KCNAB2: variants seen among roughly 807,000 people sequenced by gnomAD.
KCNAB2 encodes voltage-gated potassium channel subunit beta-2.
A neutral mutation model predicts 63.6 loss-of-function variants in KCNAB2; 29 were observed. That is an observed-to-expected ratio of 0.46 (90% CI 0.34 to 0.62). The LOEUF is 0.62. Among genes scored for constraint, KCNAB2 ranks in the 20% least tolerant of loss-of-function variants. KCNAB2 has a pLI of 0.01. For missense variants in KCNAB2, 359 were observed against 563.9 expected (o/e 0.64, Z 3.68); for synonymous variants, 222 against 224.2 (o/e 0.99, Z 0.09).
chr1:6,012,298 C>T (rs1254274067), intron 1 of KCNAB2, among the ~76,000 whole-genome samples: 6 of 69,064 alleles, frequency 8.7e-5, no homozygotes, highest in African/African-American at 5.9e-5. Flanking sequence ...GTGATGAAGG[C>T]AGAGGTGGTG....
chr1:6,012,140 G>T (rs1363482137), intron 1 of KCNAB2, among the ~76,000 whole-genome samples: 4 of 148,094 alleles, frequency 2.7e-5, no homozygotes, highest in African/African-American at 9.8e-5. Flanking sequence ...GGTGACGGGT[G>T]GAAGTGGAGG....
rs1292354881 is a variant in KCNAB2 at position 6,003,429 on chromosome 1, C to T, written c.-53+10641C>T. Among the ~76,000 whole-genome samples the T allele has an allele frequency of 6.6e-6, 1 of 152,228 alleles. No individual in the cohort carries two copies. Among genetic ancestry groups the T allele is most frequent in the Admixed American group, 6.5e-5 (1 of 15,288 alleles). ...CGGCTGCCTTCAGCCCCTGCAGACA[C>T]GCAGGCACCGTCCACCTTCTCCACT... On this transcript the variant is annotated intron_variant, in intron 1 of 16. Coordinates refer to the KCNAB2 transcript ENST00000341524. The surrounding 1 kb of genome is among the most constrained non-coding windows in gnomAD (Gnocchi z 4.1).
At chr1:6,048,088 C>T (rs1661078700) in intron 1 of KCNAB2, among the ~76,000 whole-genome samples, 1 of 152,240 alleles carries the variant, frequency 6.6e-6, no homozygotes, top group Non-Finnish European at 1.5e-5. Context: ...CCCTCTCCCA[C>T]TCACATCCCC....
At chr1:6,082,103 A>C in intron 4 of KCNAB2, 92 bp from the exon 5 acceptor site, 2 of 1,066,198 alleles carry the variant, frequency 1.9e-6, no homozygotes, top group Non-Finnish European at 2.9e-6. Flanking sequence ...GGGCCTGGAC[A>C]CGGGGAGGCC....
chr1:5,999,316 G>A (rs931191671), intron 1 of KCNAB2, among the ~76,000 whole-genome samples: 7 of 152,266 alleles, frequency 4.6e-5, no homozygotes, highest in Middle Eastern at 3.4e-3. Flanking sequence ...AGGGGTCCTG[G>A]TGCAGCTTAG....
At position 6,035,387 on chromosome 1, in the gene KCNAB2, C is replaced by G. The variant is rs758135652; in HGVS notation, c.-53+593C>G. The stretch of plus-strand genomic sequence containing the variant: ...TATGTTCTGGGAGGATCACCCTGGC[C>G]GCGTAGAGTCTGCCGGCGGGGGTGG... On this transcript the variant is annotated intron_variant, in intron 1 of 15. Transcript: ENST00000164247. This position sits in a 1 kb window ranked among gnomAD's most constrained non-coding sequence, Gnocchi z 5.0. Among the ~76,000 whole-genome samples, 1 of 152,088 alleles carries G rather than the reference C, an allele frequency of 6.6e-6. No homozygotes were observed. The highest frequency in any genetic ancestry group is 1.5e-5 in the Non-Finnish European group (1 of 68,022).
At chr1:6,062,124 C>A (rs1186150397) in intron 2 of KCNAB2, among the ~76,000 whole-genome samples, 8 of 152,070 alleles carry the variant, frequency 5.3e-5, no homozygotes, top group Admixed American at 3.9e-4. Context: ...ACCAGCCTGA[C>A]CAACATGGAG....
intron 4 of KCNAB2, among the ~76,000 whole-genome samples, chr1:6,075,494 G>A (rs764391977): frequency 2.0e-5 from 3 of 152,250 alleles, no homozygotes; most frequent in Non-Finnish European, 4.4e-5. Flanking sequence ...GGCAGTGTCA[G>A]GGTTCTGAAT....
chr1:6,028,238 G>T lies in KCNAB2; in HGVS notation c.-52-12279G>T, dbSNP rs140139887. ...TCCTGGCTTCTGGGTGAGAGGGGAAGTGTGTGTTGTGTAAGTGCCCTTCTG... is the reference window on the plus strand; with the variant it reads ...TCCTGGCTTCTGGGTGAGAGGGGAATTGTGTGTTGTGTAAGTGCCCTTCTG... On this transcript the variant is annotated intron_variant, in intron 1 of 16. Transcript: ENST00000341524. The surrounding 1 kb of genome is among the most constrained non-coding windows in gnomAD (Gnocchi z 4.0). Among the ~76,000 whole-genome samples, 1 of 152,220 alleles carries T rather than the reference G, an allele frequency of 6.6e-6. No individual in the cohort carries two copies. Among genetic ancestry groups the T allele is most frequent in the Non-Finnish European group, 1.5e-5 (1 of 68,048 alleles).
At chr1:6,094,262 G>A (rs1294297058) in intron 10 of KCNAB2, 138 bp from the exon 11 acceptor site, 3 of 627,850 alleles carry the variant, frequency 4.8e-6, no homozygotes, top group Non-Finnish European at 8.4e-6. Context: ...TTCAGAGCCA[G>A]GAAGTACACT....
Position 6,073,102 on chromosome 1 carries a change from C to T in KCNAB2, c.262+304C>T, listed in dbSNP as rs985987354. ...CCACAAAATCAGAGGCCCTTAGGGC[C>T]CCGGGAGTGCAACGAAGACACCTTA... On this transcript the variant is annotated intron_variant, in intron 3 of 15. Coordinates refer to ENST00000378083, the MANE Select transcript of KCNAB2 (RefSeq NM_001199862.2). This position sits in a 1 kb window ranked among gnomAD's most constrained non-coding sequence, Gnocchi z 5.7. Among the ~76,000 whole-genome samples, 43 of 152,128 alleles carry T rather than the reference C, an allele frequency of 2.8e-4. No individual in the cohort carries two copies. Among genetic ancestry groups the T allele is most frequent in the Non-Finnish European group, 5.3e-4 (36 of 68,016 alleles).
intron 2 of KCNAB2, among the ~76,000 whole-genome samples, chr1:6,055,603 A>T (rs746900189): frequency 1.3e-5 from 2 of 152,050 alleles, no homozygotes; most frequent in Non-Finnish European, 1.5e-5. Context: ...TGATCTGCCC[A>T]CCTTGGCATC....
At chr1:6,029,611 T>G (rs1659448768), upstream of KCNAB2, among the ~76,000 whole-genome samples, 1 of 152,212 alleles carries the variant, frequency 6.6e-6, no homozygotes, top group Admixed American at 6.5e-5. Context: ...TCCCAGCTCC[T>G]GCAGCCCCCG....
Position 6,084,752 on chromosome 1 carries a change from G to C in KCNAB2, c.381-452G>C, listed in dbSNP as rs747627122. On this transcript the variant is annotated intron_variant, in intron 5 of 15. Transcript: ENST00000378083. ...AACTGCTTGAACCCAGGAGGCAGAG[G>C]TTGCAGAGAGCCGAGATCTCGCCAC... Among the ~76,000 whole-genome samples the C allele has an allele frequency of 9.3e-5, 14 of 151,280 alleles. 1 individual carries two copies. The highest frequency in any genetic ancestry group is 4.6e-4 in the Admixed American group (7 of 15,158).
chr1:6,099,783 G>C lies in KCNAB2; in HGVS notation c.*1209G>C, dbSNP rs1044778983. ...TCTCCCTGGAAAGACGGGCAGGGCT[G>C]GTTAGCCCCTCCCACTGCCTGACAC... On this transcript the variant is annotated 3_prime_UTR_variant, in exon 16 of 16. Transcript: ENST00000378083. 1.5e-5 allele frequency: 22 copies of C among 1,492,332 alleles called. No homozygotes were observed. Among genetic ancestry groups the C allele is most frequent in the Non-Finnish European group, 1.9e-5 (21 of 1,118,896 alleles). The allele number at this position is 1,492,332 out of a possible 1,614,324, so 92.4% of individuals were successfully genotyped here. A position where few individuals can be genotyped will look rare whatever the true frequency, so the allele number is the denominator to read the frequency against.
rs1325467289 is a variant in KCNAB2 at position 6,089,004 on chromosome 1, C to T, written c.471-4C>T. ...ACATCACACGCGGTCGGCCTGTTTT[C>T]CAGGGCGGAGACGGAGCGGGGCCTG... On this transcript the variant is annotated splice_polypyrimidine_tract_variant and splice_region_variant and intron_variant, in intron 7 of 15. Transcript: ENST00000378083. The T allele has an allele frequency of 4.5e-5, 70 of 1,547,774 alleles. 1 individual carries two copies. The Admixed American group carries it at 1.4e-3, about 31-fold the overall frequency.
chr1:5,992,830 A>G (rs1019163899), intron 1 of KCNAB2: 6 of 151,330 alleles, frequency 4.0e-5, no homozygotes, highest in African/African-American at 1.5e-4. Context: ...CTTTCCACCA[A>G]GCTGCTCCGG....
chr1:6,084,647 C>T (rs1664517402), intron 5 of KCNAB2, among the ~76,000 whole-genome samples: 1 of 152,060 alleles, frequency 6.6e-6, no homozygotes, highest in Non-Finnish European at 1.5e-5. Context: ...GAAACCCCGT[C>T]TCTACTAAAA....
Position 6,097,375 on chromosome 1 carries a change from TGCTGGGCAGAGG to T in KCNAB2, c.1158+21_1158+32del. On this transcript the variant is annotated intron_variant, in intron 15 of 15. Transcript: ENST00000378083. ...CAATACAGGTAAGAGTGAGAGGCCC[TGCTGGGCAGAGG>T]GCCCATCCCAGCCCGAGCCCCGTCC... The T allele has an allele frequency of 6.5e-7, 1 of 1,550,334 alleles. No homozygotes were observed. Among genetic ancestry groups the T allele is most frequent in the South Asian group, 1.2e-5 (1 of 84,086 alleles).
Sources: gnomAD v4.1 joint callset for allele counts (sites outside exome capture counted in the v4.1 genomes callset) on GRCh38, gnomAD v4.1.1 for gene constraint, Gnocchi (gnomAD v3.1) non-coding constraint, MANE v1.5 for transcripts, NCBI Gene and HGNC (gene_info 2026-07-23, HGNC 2026-07-21) for gene names.